The following DYNC2I2 variants were observed in gnomAD, a reference collection of about 807,000 sequenced individuals.
DYNC2I2 encodes dynein 2 intermediate chain 2.
A neutral mutation model predicts 52.0 loss-of-function variants in DYNC2I2; 39 were observed. That is an observed-to-expected ratio of 0.75 (90% CI 0.58 to 0.98). The LOEUF is 0.98. DYNC2I2 is among the 50% of genes least tolerant of loss of function. The pLI, the probability that DYNC2I2 is intolerant of heterozygous loss-of-function variation, is 0.00. For missense variants in DYNC2I2, 743 were observed against 728.4 expected (o/e 1.02, Z -0.23); for synonymous variants, 359 against 321.1 (o/e 1.12, Z -1.26).
rs746309277 is a variant in DYNC2I2 at position 128,633,735 on chromosome 9, C to T, written c.*9G>A. 78 of 1,611,212 alleles carry T rather than the reference C, an allele frequency of 4.8e-5. No individual in the cohort carries two copies. Among genetic ancestry groups the T allele is most frequent in the East Asian group, 8.9e-5 (4 of 44,884 alleles). On this transcript the variant is annotated 3_prime_UTR_variant, in exon 9 of 9. Coordinates refer to ENST00000372715, the MANE Select transcript of DYNC2I2 (RefSeq NM_052844.4). ...ACAGCGAAGGCTTGCACCCGCCTCC[C>T]GGGACCCCTCAGGCCGCCACCTCTG...
chr9:128,657,612 G>A (rs181792125), upstream of DYNC2I2, among the ~76,000 whole-genome samples: 1 of 152,198 alleles, frequency 6.6e-6, no homozygotes, highest in Non-Finnish European at 1.5e-5. Context: ...AAACCAGCCT[G>A]AGCAACATAG....
At chr9:128,672,610 G>GA in the DYNC2I2 span, among the ~76,000 whole-genome samples, 300 of 136,282 alleles carry the variant, frequency 2.2e-3, 1 homozygote, top group African/African-American at 6.7e-3. Context: ...CTTCTGGGGA[G>GA]AAAAAAAAAA....
the DYNC2I2 span, among the ~76,000 whole-genome samples, chr9:128,670,354 C>T: frequency 7.3e-5 from 11 of 151,528 alleles, no homozygotes; most frequent in South Asian, 2.1e-4. Context: ...GCAGGAAAAT[C>T]GCTTGAACCT....
chr9:128,635,920 A>G (rs1486221138), intron 4 of DYNC2I2, 153 bp from the exon 5 acceptor site: 8 of 729,898 alleles, frequency 1.1e-5, no homozygotes, highest in Non-Finnish European at 1.9e-5. Flanking sequence ...GGAGAGTCCT[A>G]GCCCCCAGCT....
At chr9:128,666,795 GA>G in the DYNC2I2 span, among the ~76,000 whole-genome samples, 1 of 151,586 alleles carries the variant, frequency 6.6e-6, no homozygotes, top group African/African-American at 2.4e-5. Flanking sequence ...CTGGCATGGT[GA>G]CTCATGCCTG....
At chr9:128,680,913 T>C in the DYNC2I2 span, among the ~76,000 whole-genome samples, 4 of 152,136 alleles carry the variant, frequency 2.6e-5, no homozygotes, top group African/African-American at 4.8e-5. Context: ...TGACCTCAAG[T>C]GATTTGCCCA....
intron 1 of DYNC2I2, 65 bp downstream of exon 1, chr9:128,656,476 C>T: frequency 1.7e-6 from 2 of 1,204,362 alleles, no homozygotes; most frequent in South Asian, 3.7e-5. Context: ...CCGAACCCGC[C>T]CGGCAGCCGC....
chr9:128,683,495 AAAAG>A, the DYNC2I2 span: 1 of 237,700 alleles, frequency 4.2e-6, no homozygotes, highest in African/African-American at 2.2e-5. Flanking sequence ...AAGGAAAAAA[AAAAG>A]AGGATAAGTT....
chr9:128,669,101 C>T, the DYNC2I2 span, among the ~76,000 whole-genome samples: 1 of 151,988 alleles, frequency 6.6e-6, no homozygotes, highest in East Asian at 1.9e-4. Flanking sequence ...TGTGGTGGCT[C>T]ACACCTGTAA....
At chr9:128,654,843 C>A (rs181578535) in intron 1 of DYNC2I2, among the ~76,000 whole-genome samples, 137 of 152,286 alleles carry the variant, frequency 9.0e-4, no homozygotes, top group African/African-American at 2.9e-3. Context: ...GGCAAACCAC[C>A]CTCTCAATCC....
intron 1 of DYNC2I2, among the ~76,000 whole-genome samples, chr9:128,641,339 T>G (rs926663299): frequency 6.6e-6 from 1 of 152,152 alleles, no homozygotes; most frequent in East Asian, 1.9e-4. Flanking sequence ...CTGATGCCCA[T>G]GAACACCCCA....
In DYNC2I2 at chr9:128,655,903, T is replaced by TCC. The variant is rs1358137408; in HGVS notation, c.186+637_186+638insGG. 3.5e-5 allele frequency among the ~76,000 whole-genome samples: 3 copies of TCC among 84,742 alleles called. No individual in the cohort carries two copies. In the Admixed American group the frequency reaches 3.7e-4, roughly 11 times the overall value. The allele number at this position is 84,742 out of a possible 152,430, so 55.6% of individuals were successfully genotyped here. On this transcript the variant is annotated intron_variant, in intron 1 of 8. Transcript: ENST00000372715. ...TCCAGCCTGGGCGACAGAGCGAGAC[T>TCC]GTCTCAAAAAAAAAAAAAAAAAGCC...
chr9:128,645,841 A>G (rs1418337764), intron 1 of DYNC2I2, among the ~76,000 whole-genome samples: 1 of 152,214 alleles, frequency 6.6e-6, no homozygotes, highest in Non-Finnish European at 1.5e-5. Flanking sequence ...GAAGGAAATT[A>G]AAAGTGCTAC....
intron 1 of DYNC2I2, among the ~76,000 whole-genome samples, chr9:128,652,623 C>CA (rs71381784): frequency 0.93 from 130,596 of 140,536 alleles, 60,816 homozygotes; most frequent in Middle Eastern, 0.97. Context: ...AATTCCGTCT[C>CA]AAAAAAAAAA....
intron 1 of DYNC2I2, among the ~76,000 whole-genome samples, chr9:128,643,130 A>G (rs1860549442): frequency 6.6e-6 from 1 of 152,246 alleles, no homozygotes. Context: ...CACGCCTGTG[A>G]TTCCAGCACT....
intron 3 of DYNC2I2, among the ~76,000 whole-genome samples, chr9:128,636,686 C>T (rs894889622): frequency 1.3e-5 from 2 of 152,122 alleles, no homozygotes; most frequent in Admixed American, 6.5e-5. Flanking sequence ...GTGGGGCGGG[C>T]GAGGCAGGCA....
chr9:128,652,738 G>A (rs1164823151), intron 1 of DYNC2I2, among the ~76,000 whole-genome samples: 1 of 150,500 alleles, frequency 6.6e-6, no homozygotes, highest in Non-Finnish European at 1.5e-5. Context: ...TGACCAACAT[G>A]GAGAAACTCC....
chr9:128,640,425 C>T (rs1326374840), intron 2 of DYNC2I2, among the ~76,000 whole-genome samples: 2 of 152,224 alleles, frequency 1.3e-5, no homozygotes, highest in Non-Finnish European at 1.5e-5. Flanking sequence ...CTCAGCTGCT[C>T]AGTTTCACTC....
the DYNC2I2 span, among the ~76,000 whole-genome samples, chr9:128,667,429 G>A: frequency 2.7e-4 from 41 of 151,922 alleles, no homozygotes; most frequent in Middle Eastern, 3.4e-3. Context: ...TGGTTCAAGC[G>A]ATTCTCCTGC....
Sources: gnomAD v4.1 joint callset for allele counts (sites outside exome capture counted in the v4.1 genomes callset) on GRCh38, gnomAD v4.1.1 for gene constraint, MANE v1.5 for transcripts, NCBI Gene and HGNC (gene_info 2026-07-23, HGNC 2026-07-21) for gene names.